Variants in SLCO1B3 observed in about 807,000 individuals in gnomAD.
SLCO1B3 encodes liver-specific organic anion transporter 2.
SLCO1B3 carries 72 observed loss-of-function variants against 71.8 expected under a neutral mutation model. The ratio of observed to expected loss-of-function variants is 1.00; its 90% CI spans 0.83 to 1.22. The LOEUF (loss-of-function observed/expected upper bound fraction) is 1.22, where lower values mean the gene tolerates loss of function less well. Ranked by LOEUF, SLCO1B3 falls within the 50% of genes most tolerant of loss-of-function variation. The pLI is 0.00. For synonymous variants in SLCO1B3, 298 were observed against 278.4 expected (o/e 1.07, Z -0.70); for missense variants, 911 against 819.7 (o/e 1.11, Z -1.36).
At chr12:20,878,084 G>A (rs1378575659) in intron 10 of SLCO1B3, 148 bp downstream of exon 10, 3 of 544,370 alleles carry the variant, frequency 5.5e-6, no homozygotes, top group South Asian at 2.6e-5. Flanking sequence ...TCTCCATCTT[G>A]TAATATCATC....
rs188191095 is a variant in SLCO1B3 at position 20,883,729 on chromosome 12, T to C, written c.1682+127T>C. 8.0e-5 allele frequency: 48 copies of C among 602,988 alleles called. No homozygotes were observed. In the African/African-American group the frequency reaches 8.5e-4, roughly 11 times the overall value. 37.4% of individuals were successfully genotyped at this position (602,988 alleles called of 1,614,324 possible). A position where few individuals can be genotyped will look rare whatever the true frequency, so the allele number is the denominator to read the frequency against. The stretch of plus-strand genomic sequence containing the variant: ...AATTTTTAATTCTTTGAGAATGCAT[T>C]TTCTTAGAATTATTTTGATATTTCA... On this transcript the variant is annotated intron_variant, in intron 13 of 15. Coordinates refer to ENST00000381545, the MANE Select transcript of SLCO1B3 (RefSeq NM_019844.4).
chr12:20,883,826 A>G (rs1346583820), intron 13 of SLCO1B3, among the ~76,000 whole-genome samples: 9 of 127,856 alleles, frequency 7.0e-5, no homozygotes, highest in Admixed American at 2.8e-4. Context: ...TCTTCTCTTT[A>G]ATAAAAATCT....
chr12:20,852,114 AG>A (rs1865036706), intron 3 of SLCO1B3, among the ~76,000 whole-genome samples: 1 of 152,170 alleles, frequency 6.6e-6, no homozygotes. Flanking sequence ...TTATTCTTCA[AG>A]ATTATTTTGG....
At chr12:20,882,375 C>A (rs1438515680) in intron 12 of SLCO1B3, among the ~76,000 whole-genome samples, 1 of 152,160 alleles carries the variant, frequency 6.6e-6, no homozygotes, top group African/African-American at 2.4e-5. Flanking sequence ...AAAAAGGAAT[C>A]TTTCTTGAAC....
intron 3 of SLCO1B3, among the ~76,000 whole-genome samples, chr12:20,845,966 C>T (rs1381259367): frequency 1.0e-5 from 1 of 96,322 alleles, no homozygotes; most frequent in Non-Finnish European, 2.3e-5. Context: ...ATATAATCAT[C>T]TTCCTTGTCT....
At chr12:20,812,365 G>C (rs1027719700) in intron 1 of SLCO1B3, among the ~76,000 whole-genome samples, 1 of 149,480 alleles carries the variant, frequency 6.7e-6, no homozygotes, top group Non-Finnish European at 1.5e-5. Context: ...GATTATTCGG[G>C]TATGTTCTCC....
rs148388032 is a variant in SLCO1B3 at position 20,905,415 on chromosome 12, C to T, written c.1865+3948C>T. On this transcript the variant is annotated intron_variant, in intron 15 of 15. Transcript: ENST00000381545. ...GAAAATGAGTTTTTCTTTTCTACCA[C>T]GTGGCTGGGTTGCATATTTTCCAAA... Among the ~76,000 whole-genome samples, 207 of 152,296 alleles carry T rather than the reference C, an allele frequency of 1.4e-3. No individual in the cohort carries two copies. The Middle Eastern group carries it at 0.034, about 25-fold the overall frequency.
chr12:20,854,198 T>C (rs1413131144), intron 3 of SLCO1B3, among the ~76,000 whole-genome samples: 3 of 152,188 alleles, frequency 2.0e-5, no homozygotes, highest in African/African-American at 7.2e-5. Flanking sequence ...TAGAGAGTGC[T>C]CTATTTGTCT....
At chr12:20,832,823 C>G (rs1220852327) in intron 3 of SLCO1B3, among the ~76,000 whole-genome samples, 3 of 152,220 alleles carry the variant, frequency 2.0e-5, no homozygotes, top group Non-Finnish European at 2.9e-5. Flanking sequence ...CATTCCCTAT[C>G]CATAACTCTT....
chr12:20,845,975 CTT>C (rs35873402), intron 3 of SLCO1B3, among the ~76,000 whole-genome samples: 168 of 146,004 alleles, frequency 1.2e-3, no homozygotes, highest in Middle Eastern at 3.6e-3. Context: ...TCTTCCTTGT[CTT>C]TTTTTTTTTT....
intron 4 of SLCO1B3, among the ~76,000 whole-genome samples, chr12:20,856,684 C>G (rs184291200): frequency 5.0e-4 from 76 of 152,236 alleles, no homozygotes; most frequent in Non-Finnish European, 7.8e-4. Context: ...CTCAGCCTCC[C>G]GAGTAGCTGG....
intron 8 of SLCO1B3, among the ~76,000 whole-genome samples, chr12:20,871,199 G>A (rs917737162): frequency 1.3e-5 from 2 of 152,082 alleles, no homozygotes; most frequent in Non-Finnish European, 2.9e-5. Flanking sequence ...CCTCACAGAA[G>A]GAGTTTGGAA....
At chr12:20,862,978 G>A (rs1865300875) in intron 8 of SLCO1B3, 124 bp downstream of exon 8, 1 of 488,892 alleles carries the variant, frequency 2.0e-6, no homozygotes, top group Non-Finnish European at 3.6e-6. Flanking sequence ...GTTACAAGTA[G>A]GAAATAAATC....
chr12:20,914,429 C>T (rs1206257744), intron 15 of SLCO1B3, among the ~76,000 whole-genome samples: 1 of 151,974 alleles, frequency 6.6e-6, no homozygotes, highest in Non-Finnish European at 1.5e-5. Context: ...CTTTCCTACA[C>T]ATTGTGTCAT....
chr12:20,871,821 G>T, intron 8 of SLCO1B3, among the ~76,000 whole-genome samples: 1 of 152,052 alleles, frequency 6.6e-6, no homozygotes, highest in Non-Finnish European at 1.5e-5. Context: ...ACTGTCCTGG[G>T]TAAGACCTGA....
chr12:20,880,990 C>T lies in SLCO1B3; in HGVS notation c.1467C>T (p.Cys489=). 2 of 1,610,954 alleles carry T rather than the reference C, an allele frequency of 1.2e-6. No homozygotes were observed. Among genetic ancestry groups the T allele is most frequent in the Non-Finnish European group, 1.7e-6 (2 of 1,178,196 alleles). Residue 489 remains cysteine, a synonymous_variant, in exon 12 of 16, where the codon TGC becomes TGT. Coordinates refer to ENST00000381545, the MANE Select transcript of SLCO1B3 (RefSeq NM_019844.4). Reference sequence around the variant, plus strand: ...ACCTGTCACCTTGTCTAGCAGGATGCAAATCCTCAAGTGGTATTAAAAAGC... The same window carrying T: ...ACCTGTCACCTTGTCTAGCAGGATGTAAATCCTCAAGTGGTATTAAAAAGC... ...ITYLSPCLAG[C]KSSSGIKKHT... is the part of the protein sequence containing the mutation.
chr12:20,875,614 T>C (rs1282752499), intron 9 of SLCO1B3, 137 bp downstream of exon 9: 2 of 900,176 alleles, frequency 2.2e-6, no homozygotes, highest in African/African-American at 3.4e-5. Context: ...AATTATTTTT[T>C]CTAAAACTCC....
intron 3 of SLCO1B3, among the ~76,000 whole-genome samples, chr12:20,836,173 T>A (rs969349600): frequency 2.6e-5 from 4 of 152,170 alleles, no homozygotes; most frequent in Non-Finnish European, 5.9e-5. Flanking sequence ...CTGGGTCCCT[T>A]CCATGACACA....
At position 20,875,271 on chromosome 12, in the gene SLCO1B3, T is replaced by C. The variant is rs746659786; in HGVS notation, c.764T>C (p.Val255Ala). Residue 255 changes from valine (V) to alanine (A), a missense_variant, in exon 9 of 16, where the codon GTT (valine) becomes GCT (alanine). By Grantham distance (64) the Val-to-Ala change is moderately conservative. Transcript: ENST00000381545. ...IRITPKDSRW[V>A]GAWWLGFLVS... ...ATAACTCCTAAGGACTCTCGTTGGG[T>C]TGGAGCTTGGTGGCTTGGTTTCCTT... The C allele has an allele frequency of 1.5e-5, 24 of 1,613,160 alleles. No homozygotes were observed. The highest frequency in any genetic ancestry group is 2.0e-5 in the Non-Finnish European group (24 of 1,179,636).
Sources: allele counts gnomAD v4.1 joint callset (sites outside exome capture counted in the v4.1 genomes callset), GRCh38; gene constraint gnomAD v4.1.1; transcripts MANE v1.5; gene names NCBI Gene and HGNC (gene_info 2026-07-23, HGNC 2026-07-21).